ASIC2: variants seen among roughly 807,000 people sequenced by gnomAD.
ASIC2 encodes the protein acid-sensing ion channel 2.
ASIC2 carries 25 observed loss-of-function variants against 57.3 expected under a neutral mutation model. The ratio of observed to expected loss-of-function variants is 0.44; its 90% confidence interval spans 0.32 to 0.61. The LOEUF (loss-of-function observed/expected upper bound fraction) is 0.61. Among genes scored for constraint, ASIC2 ranks in the 20% least tolerant of loss-of-function variants. ASIC2 has a pLI of 0.06. For missense variants in ASIC2, 641 were observed against 738.1 expected (o/e 0.87, Z 1.52); for synonymous variants, 319 against 307.5 (o/e 1.04, Z -0.39).
intron 1 of ASIC2, among the ~76,000 whole-genome samples, chr17:33,698,188 G>A (rs1482130709): frequency 6.6e-6 from 1 of 152,142 alleles, no homozygotes; most frequent in East Asian, 1.9e-4. Context: ...TTATTATATA[G>A]GTGGTTTTCA....
intron 1 of ASIC2, among the ~76,000 whole-genome samples, chr17:33,846,910 G>C (rs570794586): frequency 6.6e-6 from 1 of 152,036 alleles, no homozygotes; most frequent in Non-Finnish European, 1.5e-5. Flanking sequence ...CCAAGGCAGA[G>C]CCCAGAGGAC....
chr17:33,089,822 T>C (rs549521861), intron 2 of ASIC2, among the ~76,000 whole-genome samples: 1 of 152,332 alleles, frequency 6.6e-6, no homozygotes, highest in South Asian at 2.1e-4. Flanking sequence ...TCCCTCATTT[T>C]TTCCTTTGGC....
chr17:33,121,842 C>T (rs1243302092), intron 1 of ASIC2, among the ~76,000 whole-genome samples: 2 of 152,154 alleles, frequency 1.3e-5, no homozygotes, highest in Non-Finnish European at 2.9e-5. Context: ...GATGCAGTGA[C>T]TGAGAGGAGT....
chr17:33,560,003 A>G (rs537481892), intron 1 of ASIC2, among the ~76,000 whole-genome samples: 1 of 152,348 alleles, frequency 6.6e-6, no homozygotes, highest in South Asian at 2.1e-4. Flanking sequence ...TCATGTGCAG[A>G]AAATGTGACA....
At chr17:33,981,802 G>A (rs1039450607) in intron 1 of ASIC2, among the ~76,000 whole-genome samples, 2 of 152,156 alleles carry the variant, frequency 1.3e-5, no homozygotes, top group Non-Finnish European at 2.9e-5. Flanking sequence ...TATGACATAT[G>A]TATTATTTGT....
intron 1 of ASIC2, among the ~76,000 whole-genome samples, chr17:33,166,626 C>A (rs1480689135): frequency 6.6e-6 from 1 of 152,170 alleles, no homozygotes; most frequent in African/African-American, 2.4e-5. Context: ...CCCCTAGGGC[C>A]TCAAATAAGG....
rs113344287 is a variant in ASIC2 at position 33,516,407 on chromosome 17, AGT to A, written c.556-404342_556-404341del. Among the ~76,000 whole-genome samples, 384 of 148,260 alleles carry A rather than the reference AGT, an allele frequency of 2.6e-3. 2 individuals carry two copies. The highest frequency in any genetic ancestry group is 6.0e-3 in the South Asian group (28 of 4,632). ...GTTTGTAAGTGTGTTTGTGAGTGTG[AGT>A]GTGTGTGTGTGTGTGTGTGTATGGA... On this transcript the variant is annotated intron_variant, in intron 1 of 9. Transcript: ENST00000359872.
intron 3 of ASIC2, among the ~76,000 whole-genome samples, chr17:33,072,039 G>C (rs2141950770): frequency 6.6e-6 from 1 of 152,110 alleles, no homozygotes; most frequent in East Asian, 1.9e-4. Context: ...CAGATCTCTG[G>C]AGTTCTGTCT....
intron 1 of ASIC2, among the ~76,000 whole-genome samples, chr17:33,373,097 G>A (rs532926971): frequency 7.6e-4 from 116 of 152,322 alleles, no homozygotes; most frequent in African/African-American, 2.8e-3. Flanking sequence ...AAGGAATACT[G>A]TGAGTAAATC....
chr17:33,770,336 C>G (rs571139084), intron 1 of ASIC2, among the ~76,000 whole-genome samples: 6 of 152,314 alleles, frequency 3.9e-5, no homozygotes, highest in South Asian at 2.1e-4. Context: ...CTCTGTAAAG[C>G]GAAAGCTGGC....
At chr17:33,091,949 T>C (rs4795743) in intron 2 of ASIC2, among the ~76,000 whole-genome samples, 8,069 of 152,242 alleles carry the variant, frequency 0.053, 242 homozygotes, top group Middle Eastern at 0.11. Context: ...AAAACTTAAG[T>C]TTAAATAGCC....
At chr17:33,860,301 G>C (rs1914071373) in intron 1 of ASIC2, among the ~76,000 whole-genome samples, 2 of 152,142 alleles carry the variant, frequency 1.3e-5, no homozygotes, top group African/African-American at 4.8e-5. Flanking sequence ...TCTTAAGATG[G>C]GGGTATAAAG....
chr17:33,774,588 A>G (rs1284516202), intron 1 of ASIC2, among the ~76,000 whole-genome samples: 1 of 152,238 alleles, frequency 6.6e-6, no homozygotes, highest in Non-Finnish European at 1.5e-5. Flanking sequence ...CTGCATCTGG[A>G]AAGCAAAACA....
intron 1 of ASIC2, among the ~76,000 whole-genome samples, chr17:33,621,715 A>C (rs72827234): frequency 0.18 from 28,150 of 152,210 alleles, 2,720 homozygotes; most frequent in Admixed American, 0.26. Context: ...ACAAAGATGC[A>C]GTTCCTGGGG....
At chr17:33,863,697 T>G (rs1165544483) in intron 1 of ASIC2, among the ~76,000 whole-genome samples, 1 of 152,206 alleles carries the variant, frequency 6.6e-6, no homozygotes, top group African/African-American at 2.4e-5. Context: ...TCTCTGTCAG[T>G]CCATCTGGTA....
chr17:33,157,592 C>G (rs1905042301), intron 1 of ASIC2, among the ~76,000 whole-genome samples: 1 of 152,196 alleles, frequency 6.6e-6, no homozygotes, highest in African/African-American at 2.4e-5. Flanking sequence ...TTCCCTCACA[C>G]CCCACATCTA....
At chr17:33,347,804 T>C (rs188899687) in intron 1 of ASIC2, among the ~76,000 whole-genome samples, 262 of 152,148 alleles carry the variant, frequency 1.7e-3, no homozygotes, top group African/African-American at 6.1e-3. Context: ...GCAGGGTGGG[T>C]AAAAATGGAT....
At chr17:33,398,467 G>A (rs1910159506) in intron 1 of ASIC2, among the ~76,000 whole-genome samples, 2 of 152,216 alleles carry the variant, frequency 1.3e-5, no homozygotes, top group African/African-American at 4.8e-5. Flanking sequence ...GATGGTAGCA[G>A]TCATTGTGGT....
chr17:33,306,785 A>T (rs1321884863), intron 1 of ASIC2, among the ~76,000 whole-genome samples: 1 of 152,186 alleles, frequency 6.6e-6, no homozygotes, highest in African/African-American at 2.4e-5. Flanking sequence ...CTCTGCTTAA[A>T]ATCCGTCAAT....
Sources: gnomAD v4.1 joint callset for allele counts (sites outside exome capture counted in the v4.1 genomes callset) on GRCh38, gnomAD v4.1.1 for gene constraint, MANE v1.5 for transcripts, NCBI Gene and HGNC (gene_info 2026-07-23, HGNC 2026-07-21) for gene names.